The following RNF10 variants were observed in gnomAD, a reference collection of about 807,000 sequenced individuals.
The protein encoded by RNF10 is E3 ubiquitin-protein ligase RNF10.
A neutral mutation model predicts 91.4 loss-of-function variants in RNF10; 38 were observed. The observed-to-expected ratio is 0.42, with a 90% CI of 0.32 to 0.54. The LOEUF is 0.54. Among genes scored for constraint, RNF10 ranks in the 20% least tolerant of loss-of-function variants. RNF10 has a pLI of 0.16. For missense variants in RNF10, 945 were observed against 1,012.0 expected, an observed-to-expected ratio of 0.93 and a Z score of 0.90; for synonymous variants, 364 against 366.3, an observed-to-expected ratio of 0.99 and a Z score of 0.07.
rs777282213 is a variant in RNF10 at position 120,565,218 on chromosome 12, T to TATAG, written c.1783+30_1783+33dup. 7.6e-6 allele frequency: 11 copies of TATAG among 1,454,088 alleles called. No homozygotes were observed. The South Asian group carries it at 1.1e-4, about 15-fold the overall frequency. The allele number at this position is 1,454,088 out of a possible 1,614,324, so 90.1% of individuals were successfully genotyped here. On this transcript the variant is annotated intron_variant, in intron 11 of 16. Transcript: ENST00000325954. The stretch of plus-strand genomic sequence containing the variant: ...AGAATGCCCCTGCTCTGCTTCTCTT[T>TATAG]ATAGTAGGGTTCAGGGATTCTTGTG...
chr12:120,540,983 G>A (rs1214522548), intron 1 of RNF10, among the ~76,000 whole-genome samples: 1 of 152,058 alleles, frequency 6.6e-6, no homozygotes, highest in Non-Finnish European at 1.5e-5. Flanking sequence ...AGCCCCCGGA[G>A]TAGCTGGGAT....
intron 1 of RNF10, among the ~76,000 whole-genome samples, chr12:120,537,532 G>A (rs955648083): frequency 6.6e-6 from 1 of 152,190 alleles, no homozygotes; most frequent in Non-Finnish European, 1.5e-5. Context: ...GGGGGCTGAG[G>A]CAGGAGAATC....
At chr12:120,542,472 A>G (rs1407283517) in intron 1 of RNF10, among the ~76,000 whole-genome samples, 2 of 152,152 alleles carry the variant, frequency 1.3e-5, no homozygotes, top group Non-Finnish European at 2.9e-5. Context: ...TTGCTTTCTA[A>G]TTGTTACTAC....
chr12:120,560,153 T>G (rs75381630), intron 6 of RNF10, among the ~76,000 whole-genome samples: 6,871 of 128,778 alleles, frequency 0.053, 564 homozygotes, highest in African/African-American at 0.17. Flanking sequence ...TGGTTTTTTT[T>G]GTTTTTTTTT....
chr12:120,576,767 G>T lies in RNF10; in HGVS notation c.*101G>T. The stretch of plus-strand genomic sequence containing the variant: ...CTGTAATTTTTAAGTATTTGAGTTT[G>T]AACAGATTAGCTCTGGGGGGAGGGG... On this transcript the variant is annotated 3_prime_UTR_variant, in exon 17 of 17. Transcript: ENST00000325954. The T allele has an allele frequency of 6.6e-7, 1 of 1,517,712 alleles. No homozygotes were observed. The highest frequency in any genetic ancestry group is 1.2e-5 in the South Asian group (1 of 80,790). The allele number at this position is 1,517,712 out of a possible 1,614,324, so 94.0% of individuals were successfully genotyped here.
chr12:120,546,610 T>G lies in RNF10; in HGVS notation c.354+9T>G. On this transcript the variant is annotated intron_variant, in intron 2 of 16. Coordinates refer to ENST00000325954, the MANE Select transcript of RNF10 (RefSeq NM_014868.5). ...GTGGAAGACGAGATGAGGTATGGAA[T>G]TTGAGAATGTCCTTTCTAGAGCATA... The G allele has an allele frequency of 6.2e-7, 1 of 1,609,552 alleles. No individual in the cohort carries two copies. The highest frequency in any genetic ancestry group is 1.3e-5 in the African/African-American group (1 of 74,660).
intron 13 of RNF10, chr12:120,570,353 AT>A (rs1876448116): frequency 6.6e-6 from 1 of 151,236 alleles, no homozygotes; most frequent in Non-Finnish European, 1.5e-5. Flanking sequence ...TGCCCAGCTA[AT>A]TTTGTATTTT....
In RNF10 at chr12:120,577,252, T is replaced by TG; in HGVS notation, c.*587dup. 2.3e-6 allele frequency: 1 copy of TG among 435,062 alleles called. No individual in the cohort carries two copies. The highest frequency in any genetic ancestry group is 4.5e-6 in the Non-Finnish European group (1 of 220,214). 27.0% of individuals were successfully genotyped at this position (435,062 alleles called of 1,614,324 possible). On this transcript the variant is annotated 3_prime_UTR_variant, in exon 17 of 17. Transcript: ENST00000325954. ...AATGGAGTAGGCTGTCCTTGGCACT[T>TG]GCATGTGTGAAAGGAGGGTTTTGCC...
rs748244710 is a variant in RNF10, at chr12:120,546,577, T to G, written c.330T>G (p.Ser110=). Reference sequence around the variant, plus strand: ...GCAGCAGCAAACTCTTTAGCTCTTCTTTTAATGGTGGAAGACGAGATGAGG... The same window carrying G: ...GCAGCAGCAAACTCTTTAGCTCTTCGTTTAATGGTGGAAGACGAGATGAGG... The part of the protein sequence containing the change: ...GGGSSKLFSS[S]FNGGRRDEVA... The change falls in exon 2 of 17, where the codon TCT becomes TCG. Residue 110 remains serine, a synonymous_variant. Coordinates refer to ENST00000325954, the MANE Select transcript of RNF10 (RefSeq NM_014868.5). 1 of 1,613,516 alleles carries G rather than the reference T, an allele frequency of 6.2e-7. No homozygotes were observed. The highest frequency in any genetic ancestry group is 1.1e-5 in the South Asian group (1 of 91,050).
chr12:120,573,113 C>T (rs78299441), intron 14 of RNF10, among the ~76,000 whole-genome samples: 4,554 of 152,070 alleles, frequency 0.03, 238 homozygotes, highest in African/African-American at 0.1. Context: ...GATACTTTAC[C>T]GCTAAGTACT....
intron 10 of RNF10, 55 bp downstream of exon 10, chr12:120,563,998 T>C (rs922679504): frequency 5.0e-6 from 8 of 1,603,760 alleles, no homozygotes; most frequent in Non-Finnish European, 5.1e-6. Flanking sequence ...CCTAATCTCT[T>C]TGAGGTAGGC....
At chr12:120,557,174 G>C (rs935203470) in intron 4 of RNF10, 108 bp from the exon 5 acceptor site, 15 of 902,808 alleles carry the variant, frequency 1.7e-5, no homozygotes, top group African/African-American at 3.3e-5. Flanking sequence ...AGGATGTACG[G>C]GGATAGAGAT....
At chr12:120,544,978 G>C (rs1471793747) in intron 1 of RNF10, among the ~76,000 whole-genome samples, 1 of 152,202 alleles carries the variant, frequency 6.6e-6, no homozygotes, top group Non-Finnish European at 1.5e-5. Flanking sequence ...GCATAAAAAT[G>C]CTCACAGAGT....
At chr12:120,559,939 C>T (rs1312218473) in intron 6 of RNF10, among the ~76,000 whole-genome samples, 1 of 151,882 alleles carries the variant, frequency 6.6e-6, no homozygotes. Context: ...TCAGGTGATC[C>T]ACCTGCCTCA....
chr12:120,557,085 CAAAAA>C (rs36018229), intron 4 of RNF10, among the ~76,000 whole-genome samples, 192 bp from the exon 5 acceptor site: 6 of 111,370 alleles, frequency 5.4e-5, no homozygotes, highest in African/African-American at 2.1e-4. Flanking sequence ...TGGACCGTCT[CAAAAA>C]AAAAAAAAAA....
At chr12:120,569,935 C>G (rs1056740711) in intron 13 of RNF10, among the ~76,000 whole-genome samples, 4 of 152,134 alleles carry the variant, frequency 2.6e-5, no homozygotes, top group African/African-American at 4.8e-5. Context: ...CTCTGTCGCC[C>G]GGGCTGGAGT....
intron 1 of RNF10, among the ~76,000 whole-genome samples, chr12:120,539,186 G>A (rs937686146): frequency 6.6e-6 from 1 of 152,132 alleles, no homozygotes; most frequent in Non-Finnish European, 1.5e-5. Flanking sequence ...TAGAATATTA[G>A]TCCTGTTTCA....
Position 120,534,968 on chromosome 12 carries a change from G to T in RNF10, c.157G>T (p.Asp53Tyr). Residue 53 changes from aspartate (D) to tyrosine (Y), a missense_variant and splice_region_variant, in exon 1 of 17, where the codon GAT becomes TAT. By Grantham distance (160) the Asp-to-Tyr change is radical (BLOSUM62 -3). Coordinates refer to ENST00000325954, the MANE Select transcript of RNF10 (RefSeq NM_014868.5). Reference sequence around the variant, plus strand: ...AGCCGGCGAGTCTAAACCCAAGAGCGGTAAGGACGGGCCTGCGGCAGTGGG... The same window carrying T: ...AGCCGGCGAGTCTAAACCCAAGAGCTGTAAGGACGGGCCTGCGGCAGTGGG... The part of the protein sequence containing the change: ...GPAGESKPKS[D>Y]GKNSSGSKRY... 3 of 1,594,536 alleles carry T rather than the reference G, an allele frequency of 1.9e-6. No homozygotes were observed. The highest frequency in any genetic ancestry group is 2.5e-6 in the Non-Finnish European group (3 of 1,177,334).
intron 8 of RNF10, 63 bp downstream of exon 8, chr12:120,563,133 C>T: frequency 6.2e-7 from 1 of 1,606,710 alleles, no homozygotes; most frequent in Non-Finnish European, 8.5e-7. Flanking sequence ...AGCTGGTAGG[C>T]ATTACTGTGA....
Sources: allele counts gnomAD v4.1 joint callset (sites outside exome capture counted in the v4.1 genomes callset), GRCh38; gene constraint gnomAD v4.1.1; transcripts MANE v1.5; gene names NCBI Gene and HGNC (gene_info 2026-07-23, HGNC 2026-07-21).